Variants in ALPK2 observed in about 807,000 individuals in gnomAD.
ALPK2 encodes alpha-protein kinase 2.
A neutral mutation model predicts 163.1 loss-of-function variants in ALPK2; 127 were observed. That is an observed-to-expected ratio of 0.78 (90% CI 0.67 to 0.90). ALPK2 has a LOEUF of 0.90. Among genes scored for constraint, ALPK2 ranks in the 40% least tolerant of loss-of-function variants. The pLI, the probability that ALPK2 is intolerant of heterozygous loss-of-function variation, is 0.00. For synonymous variants in ALPK2, 953 were observed against 959.1 expected, an observed-to-expected ratio of 0.99 and a Z score of 0.12; for missense variants, 2,360 against 2,589.6, an observed-to-expected ratio of 0.91 and a Z score of 1.92.
At chr18:58,600,333 G>A (rs746971200) in intron 3 of ALPK2, among the ~76,000 whole-genome samples, 22 of 152,162 alleles carry the variant, frequency 1.4e-4, no homozygotes, top group Non-Finnish European at 2.6e-4. Context: ...CACCGCATCC[G>A]GCCCCAGTGG....
At chr18:58,595,702 C>G (rs1234291888) in intron 3 of ALPK2, among the ~76,000 whole-genome samples, 4 of 152,138 alleles carry the variant, frequency 2.6e-5, no homozygotes, top group African/African-American at 9.7e-5. Context: ...AGCATCAATA[C>G]TTTTTTAAAG....
intron 1 of ALPK2, among the ~76,000 whole-genome samples, chr18:58,621,813 AACTTT>A (rs1407831519): frequency 6.6e-6 from 1 of 152,172 alleles, no homozygotes; most frequent in Non-Finnish European, 1.5e-5. Flanking sequence ...AGTAAAAGCT[AACTTT>A]TCAATATTAA....
intron 12 of ALPK2, among the ~76,000 whole-genome samples, chr18:58,485,121 G>A (rs1324193745): frequency 6.6e-6 from 1 of 152,232 alleles, no homozygotes; most frequent in Non-Finnish European, 1.5e-5. Context: ...CTGAGTGTGA[G>A]GTCCTGTGCA....
chr18:58,486,481 G>C (rs905894359), intron 12 of ALPK2, among the ~76,000 whole-genome samples: 4 of 152,154 alleles, frequency 2.6e-5, no homozygotes, highest in Non-Finnish European at 4.4e-5. Context: ...ACTGCTTTAT[G>C]CCCAGAACGC....
intron 12 of ALPK2, among the ~76,000 whole-genome samples, chr18:58,482,538 C>G (rs566323473): frequency 6.6e-6 from 1 of 152,254 alleles, no homozygotes; most frequent in South Asian, 2.1e-4. Context: ...AAGAAAACAA[C>G]GCAAGTTGAT....
chr18:58,535,968 C>T lies in ALPK2; in HGVS notation c.4219G>A (p.Asp1407Asn), dbSNP rs2051644053. Residue 1407 changes from aspartate (D) to asparagine (N), a missense_variant, in exon 5 of 13, where the codon GAT (aspartate) becomes AAT (asparagine). Physicochemically the swap from Asp to Asn is conservative, Grantham distance 23. Coordinates refer to ENST00000361673, the MANE Select transcript of ALPK2 (RefSeq NM_052947.4). ...GTGTACTCTATCACACTTATCTCATCAATGGGATCTACAGAGGACTCTAGG... is the reference window on the plus strand; with the variant it reads ...GTGTACTCTATCACACTTATCTCATTAATGGGATCTACAGAGGACTCTAGG... ...KILESSVDPI[D>N]EISVIEYTRA... is the part of the protein sequence containing the mutation. 5 of 1,614,082 alleles carry T rather than the reference C, an allele frequency of 3.1e-6. No homozygotes were observed. The highest frequency in any genetic ancestry group is 3.3e-5 in the Admixed American group (2 of 60,012).
Position 58,535,488 on chromosome 18 carries a change from C to T in ALPK2, c.4699G>A (p.Val1567Ile), listed in dbSNP as rs1459836584. ...GGCTCAACTATGTCATTTTCAGGGA[C>T]GTCATGAATTTGGCCTGTGGAGTTG... is the stretch of plus-strand genomic sequence containing the variant. The part of the protein sequence containing the change: ...THNSTGQIHD[V>I]PENDIVEPRK... Residue 1567 changes from valine (V) to isoleucine (I), a missense_variant, in exon 5 of 13, where the codon GTC becomes ATC. Transcript: ENST00000361673. The T allele has an allele frequency of 1.4e-5, 23 of 1,614,042 alleles. No individual in the cohort carries two copies. The highest frequency in any genetic ancestry group is 4.5e-5 in the East Asian group (2 of 44,900).
chr18:58,529,295 T>C (rs1207287001), intron 5 of ALPK2, 57 bp from the exon 6 acceptor site: 12 of 1,487,062 alleles, frequency 8.1e-6, no homozygotes, highest in Non-Finnish European at 9.2e-6. Flanking sequence ...TTTCATACCA[T>C]TTAATTCTCA....
At position 58,579,601 on chromosome 18, in the gene ALPK2, C is replaced by G. The variant is rs371505069; in HGVS notation, c.1175G>C (p.Gly392Ala). ...GCGSRVSGDA[G>A]PMVATAGFCG... ...GAAGCCAGCAGTGGCAACCATAGGC[C>G]CAGCGTCACCCGACACCCGAGACCC... The change falls in exon 4 of 13, where the codon GGG becomes GCG. Residue 392 changes from glycine (G) to alanine (A), a missense_variant. Physicochemically the swap from Gly to Ala is moderately conservative, Grantham distance 60. Coordinates refer to ENST00000361673, the MANE Select transcript of ALPK2 (RefSeq NM_052947.4). 1.2e-6 allele frequency: 2 copies of G among 1,613,406 alleles called. No homozygotes were observed. The highest frequency in any genetic ancestry group is 1.7e-6 in the Non-Finnish European group (2 of 1,179,960).
chr18:58,582,963 C>A (rs977592828), intron 3 of ALPK2, among the ~76,000 whole-genome samples: 9 of 152,082 alleles, frequency 5.9e-5, no homozygotes, highest in Non-Finnish European at 1.3e-4. Context: ...GAGGCAGCCC[C>A]TAAGTAGCAG....
intron 10 of ALPK2, among the ~76,000 whole-genome samples, chr18:58,513,450 A>G (rs984248523): frequency 2.6e-5 from 4 of 152,202 alleles, no homozygotes; most frequent in Admixed American, 2.6e-4. Flanking sequence ...GTCCTAACCT[A>G]TCTTTAAGGC....
At position 58,580,512 on chromosome 18, in the gene ALPK2, C is replaced by A. The variant is rs115018482; in HGVS notation, c.264G>T (p.Ser88=). The change falls in exon 4 of 13, where the codon TCG becomes TCT. Residue 88 remains serine, a synonymous_variant. Coordinates refer to ENST00000361673, the MANE Select transcript of ALPK2 (RefSeq NM_052947.4). ...TKNDAAVYQI[S]AKNSFGMICC... is the part of the protein sequence containing the mutation. ...AGATCATTCCAAAAGAGTTTTTAGC[C>A]GAGATTTGATAGACAGCAGCATCAT... The A allele has an allele frequency of 1.9e-6, 3 of 1,613,790 alleles. No homozygotes were observed. Among genetic ancestry groups the A allele is most frequent in the East Asian group, 2.2e-5 (1 of 44,884 alleles).
At chr18:58,587,244 A>T (rs1162123691) in intron 3 of ALPK2, among the ~76,000 whole-genome samples, 2 of 152,232 alleles carry the variant, frequency 1.3e-5, no homozygotes, top group African/African-American at 4.8e-5. Context: ...ACAACAAAGA[A>T]TTAGTTCAGA....
intron 9 of ALPK2, among the ~76,000 whole-genome samples, chr18:58,515,348 G>A (rs746236670): frequency 6.6e-6 from 1 of 152,192 alleles, no homozygotes; most frequent in Non-Finnish European, 1.5e-5. Flanking sequence ...TTCTCGAGCC[G>A]GCAGGGCCGA....
At chr18:58,586,553 C>G (rs994813671) in intron 3 of ALPK2, among the ~76,000 whole-genome samples, 2 of 152,152 alleles carry the variant, frequency 1.3e-5, no homozygotes, top group Non-Finnish European at 2.9e-5. Context: ...GACTCCACAA[C>G]CACAGTGAAA....
At chr18:58,617,878 T>C (rs2052178424) in intron 1 of ALPK2, among the ~76,000 whole-genome samples, 1 of 152,212 alleles carries the variant, frequency 6.6e-6, no homozygotes, top group Admixed American at 6.5e-5. Context: ...AGTATAGCAA[T>C]ATCCCACTTA....
Position 58,619,454 on chromosome 18 carries a change from T to C in ALPK2, c.-20-7637A>G, listed in dbSNP as rs2052186975. On this transcript the variant is annotated intron_variant, in intron 1 of 12. Coordinates refer to ENST00000361673, the MANE Select transcript of ALPK2 (RefSeq NM_052947.4). ...AACCCTCATTCATTGCTGGTGAGAA[T>C]GTAAAAGTGGTACAGACAGTTTGGA... Among the ~76,000 whole-genome samples the C allele has an allele frequency of 1.3e-5, 2 of 152,198 alleles. 1 individual carries two copies. The highest frequency in any genetic ancestry group is 4.1e-4 in the South Asian group (2 of 4,834).
chr18:58,573,262 G>GTCTATATA (rs2051896676), intron 4 of ALPK2, among the ~76,000 whole-genome samples: 1 of 132,598 alleles, frequency 7.5e-6, no homozygotes, highest in South Asian at 2.3e-4. Flanking sequence ...ATGTATATAT[G>GTCTATATA]TGTATATATA....
intron 10 of ALPK2, among the ~76,000 whole-genome samples, chr18:58,512,536 G>A (rs1321945173): frequency 1.3e-5 from 2 of 152,304 alleles, no homozygotes; most frequent in Admixed American, 1.3e-4. Flanking sequence ...CTCTCTAGAC[G>A]TGCAGGCTTT....
Sources: allele counts gnomAD v4.1 joint callset (sites outside exome capture counted in the v4.1 genomes callset), GRCh38; gene constraint gnomAD v4.1.1; transcripts MANE v1.5; gene names NCBI Gene and HGNC (gene_info 2026-07-23, HGNC 2026-07-21).